KANSL1: variants seen among roughly 807,000 people sequenced by gnomAD.
The protein encoded by KANSL1 is MLL1/MLL complex subunit KANSL1.
A neutral mutation model predicts 103.6 loss-of-function variants in KANSL1; 22 were observed. The ratio of observed to expected loss-of-function variants is 0.21; its 90% CI spans 0.15 to 0.30. The LOEUF (loss-of-function observed/expected upper bound fraction) is 0.30, where lower values mean the gene tolerates loss of function less well. KANSL1 is among the 10% of genes least tolerant of loss of function. The probability of loss-of-function intolerance (pLI) is 1.00; values close to 1 mark genes in which losing one functional copy is unlikely to be tolerated. For synonymous variants in KANSL1, 600 were observed against 527.6 expected (o/e 1.14, Z -1.88); for missense variants, 1,337 against 1,399.8 (o/e 0.96, Z 0.72).
At chr17:46,159,865 G>A (rs2045638287) in intron 2 of KANSL1, among the ~76,000 whole-genome samples, 1 of 152,198 alleles carries the variant, frequency 6.6e-6, no homozygotes, top group African/African-American at 2.4e-5. Flanking sequence ...TTACAGTAAA[G>A]GAAAACTATT....
chr17:46,184,322 G>A (rs954389639), intron 1 of KANSL1, among the ~76,000 whole-genome samples: 5 of 152,306 alleles, frequency 3.3e-5, no homozygotes, highest in African/African-American at 7.2e-5. Context: ...TGGTGCCAAT[G>A]CCCTAGTGCA....
chr17:46,077,859 A>C (rs112022066), intron 4 of KANSL1, among the ~76,000 whole-genome samples: 1 of 152,106 alleles, frequency 6.6e-6, no homozygotes, highest in South Asian at 2.1e-4. Flanking sequence ...TGCTCGGCCT[A>C]AAGTTTCATA....
At chr17:46,126,548 T>A (rs1223478115) in intron 2 of KANSL1, among the ~76,000 whole-genome samples, 1 of 152,184 alleles carries the variant, frequency 6.6e-6, no homozygotes, top group East Asian at 1.9e-4. Flanking sequence ...GTCAAGGAGA[T>A]ATACTATTTT....
chr17:46,108,716 T>C (rs561353029), intron 2 of KANSL1, among the ~76,000 whole-genome samples: 1 of 152,328 alleles, frequency 6.6e-6, no homozygotes, highest in South Asian at 2.1e-4. Context: ...TGATCCTAAC[T>C]TTTCCTTACA....
chr17:46,091,453 T>C (rs2146916052), intron 3 of KANSL1, among the ~76,000 whole-genome samples: 1 of 147,532 alleles, frequency 6.8e-6, no homozygotes, highest in East Asian at 2.0e-4. Context: ...GTAGCCTCGG[T>C]GTACAGTATT....
intron 2 of KANSL1, among the ~76,000 whole-genome samples, chr17:46,126,582 G>C (rs2043569083): frequency 6.6e-6 from 1 of 152,076 alleles, no homozygotes; most frequent in Non-Finnish European, 1.5e-5. Flanking sequence ...AAATAAAGGG[G>C]GGCTTTAAAA....
chr17:46,220,539 T>C (rs1597997666), intron 1 of KANSL1, among the ~76,000 whole-genome samples: 1 of 152,250 alleles, frequency 6.6e-6, no homozygotes, highest in Non-Finnish European at 1.5e-5. Context: ...TTCTATTTAA[T>C]TTTTAAAATC....
chr17:46,118,774 A>G (rs1350498849), intron 2 of KANSL1, among the ~76,000 whole-genome samples: 2 of 152,238 alleles, frequency 1.3e-5, no homozygotes, highest in African/African-American at 4.8e-5. Flanking sequence ...AAGCCGACGG[A>G]TAAACAACCA....
chr17:46,032,414 T>A, intron 13 of KANSL1, 115 bp from the exon 14 acceptor site: 1 of 863,298 alleles, frequency 1.2e-6, no homozygotes, highest in Non-Finnish European at 1.7e-6. Context: ...ACCAACAGAT[T>A]TTCCTTAGGA....
intron 2 of KANSL1, among the ~76,000 whole-genome samples, chr17:46,149,034 G>A (rs1371514400): frequency 1.5e-5 from 2 of 132,658 alleles, no homozygotes; most frequent in South Asian, 2.3e-4. Context: ...ACGGAGTCTC[G>A]CTCTATCGCC....
chr17:46,141,654 C>CA (rs1009357486), intron 2 of KANSL1, among the ~76,000 whole-genome samples: 2 of 152,080 alleles, frequency 1.3e-5, no homozygotes, highest in African/African-American at 4.8e-5. Context: ...AGTATCCTCA[C>CA]AAAAAATACC....
At chr17:46,123,236 G>A (rs1172671149) in intron 2 of KANSL1, among the ~76,000 whole-genome samples, 1 of 152,154 alleles carries the variant, frequency 6.6e-6, no homozygotes, top group Non-Finnish European at 1.5e-5. Flanking sequence ...AATTATGTGG[G>A]TGTGGCATTG....
intron 2 of KANSL1, among the ~76,000 whole-genome samples, chr17:46,168,384 G>A (rs866990674): frequency 2.0e-5 from 3 of 150,150 alleles, no homozygotes; most frequent in East Asian, 1.9e-4. Flanking sequence ...AGTTTCGCTC[G>A]TTGCCTAGGC....
At chr17:46,220,151 T>G (rs1335833308) in intron 1 of KANSL1, among the ~76,000 whole-genome samples, 1 of 152,154 alleles carries the variant, frequency 6.6e-6, no homozygotes, top group East Asian at 1.9e-4. Context: ...GTTAGAACCC[T>G]TGCCATTTCT....
At chr17:46,192,496 AGTTT>A (rs1462871850) in intron 1 of KANSL1, 1 of 152,808 alleles carries the variant, frequency 6.5e-6, no homozygotes, top group South Asian at 2.1e-4. Context: ...CGAGAGCCAG[AGTTT>A]GTTTGGGGGG....
intron 2 of KANSL1, among the ~76,000 whole-genome samples, chr17:46,100,935 T>G (rs1470306258): frequency 1.3e-5 from 2 of 152,244 alleles, no homozygotes; most frequent in Admixed American, 6.5e-5. Flanking sequence ...AAACAAAGGT[T>G]CTATTAGCCA....
intron 2 of KANSL1, among the ~76,000 whole-genome samples, chr17:46,101,437 A>G (rs889100975): frequency 1.3e-5 from 2 of 152,154 alleles, no homozygotes; most frequent in African/African-American, 4.8e-5. Context: ...GCAACCTAAA[A>G]TGTATGTATT....
At chr17:46,062,807 TGGGAGGCCGAG>T (rs2078226311) in intron 6 of KANSL1, among the ~76,000 whole-genome samples, 1 of 150,578 alleles carries the variant, frequency 6.6e-6, no homozygotes, top group Non-Finnish European at 1.5e-5. Flanking sequence ...CCCAGCACTT[TGGGAGGCCGAG>T]GCGGGTGGAT....
At chr17:46,115,598 T>C (rs180836873) in intron 2 of KANSL1, among the ~76,000 whole-genome samples, 69 of 152,292 alleles carry the variant, frequency 4.5e-4, no homozygotes, top group Admixed American at 2.2e-3. Context: ...CAGTGAACTA[T>C]ATGTGATTTC....
Sources: gnomAD v4.1 joint callset for allele counts (sites outside exome capture counted in the v4.1 genomes callset) on GRCh38, gnomAD v4.1.1 for gene constraint, MANE v1.5 for transcripts, NCBI Gene and HGNC (gene_info 2026-07-23, HGNC 2026-07-21) for gene names.